PPM1L: variants seen among roughly 807,000 people sequenced by gnomAD.
PPM1L encodes the protein protein phosphatase, Mg2+/Mn2+ dependent 1L.
Under a neutral mutation model 31.4 loss-of-function variants are expected in PPM1L, and 13 were observed. The ratio of observed to expected loss-of-function variants is 0.41; its 90% CI spans 0.27 to 0.66. The LOEUF is 0.66. Ranked by LOEUF, PPM1L falls within the 30% of genes least tolerant of loss-of-function variation. PPM1L has a pLI of 0.29. For missense variants in PPM1L, 326 were observed against 453.7 expected (o/e 0.72, Z 2.56); for synonymous variants, 184 against 175.4 (o/e 1.05, Z -0.39).
At chr3:160,840,230 G>A (rs545837106) in intron 1 of PPM1L, among the ~76,000 whole-genome samples, 1 of 152,222 alleles carries the variant, frequency 6.6e-6, no homozygotes, top group Admixed American at 6.5e-5. Context: ...GCAGCCTTAA[G>A]AATACAATGA....
chr3:160,970,879 C>T (rs1159681645), intron 2 of PPM1L, among the ~76,000 whole-genome samples: 1 of 148,474 alleles, frequency 6.7e-6, no homozygotes, highest in South Asian at 2.1e-4. Flanking sequence ...AGGCTCCGCC[C>T]CCTGGGGTTC....
In PPM1L at chr3:160,854,322, G is replaced by A. The variant is rs141466785; in HGVS notation, c.399+97615G>A. ...CTGTCCTTAGACTCTTAGCTGGGTG[G>A]TGTTTTCCTAGTCCTTGTGTAAAAG... On this transcript the variant is annotated intron_variant, in intron 1 of 3. Coordinates refer to ENST00000498165, the MANE Select transcript of PPM1L (RefSeq NM_139245.4). Among the ~76,000 whole-genome samples, 3 of 152,266 alleles carry A rather than the reference G, an allele frequency of 2.0e-5. No individual in the cohort carries two copies. The East Asian group carries it at 5.8e-4, about 29-fold the overall frequency.
At chr3:160,830,819 C>A (rs957377146) in intron 1 of PPM1L, among the ~76,000 whole-genome samples, 1 of 152,174 alleles carries the variant, frequency 6.6e-6, no homozygotes, top group African/African-American at 2.4e-5. Context: ...TCATATGCTA[C>A]TTATTCATAC....
At chr3:160,934,408 C>G (rs1576723971) in intron 1 of PPM1L, among the ~76,000 whole-genome samples, 2 of 152,078 alleles carry the variant, frequency 1.3e-5, no homozygotes, top group African/African-American at 4.8e-5. Flanking sequence ...TTTTTCTCTT[C>G]CCTTCTTTCC....
intron 2 of PPM1L, among the ~76,000 whole-genome samples, chr3:160,970,765 G>A (rs1456647261): frequency 7.1e-6 from 1 of 140,622 alleles, no homozygotes; most frequent in East Asian, 2.0e-4. Context: ...GCCTAACCAA[G>A]CTGATTTTAA....
intron 1 of PPM1L, among the ~76,000 whole-genome samples, chr3:160,783,137 G>A (rs997175782): frequency 2.0e-5 from 3 of 152,116 alleles, no homozygotes; most frequent in African/African-American, 4.8e-5. Flanking sequence ...CCTTTAGAGC[G>A]GCTTTTATAG....
At chr3:160,816,227 G>GTA (rs1712989874) in intron 1 of PPM1L, among the ~76,000 whole-genome samples, 1 of 151,638 alleles carries the variant, frequency 6.6e-6, no homozygotes, top group African/African-American at 2.4e-5. Context: ...TTGTGTCTAT[G>GTA]TGTGTGTACA....
rs542288354 is a variant in PPM1L, at chr3:160,814,594, T to C, written c.399+57887T>C. Among the ~76,000 whole-genome samples the C allele has an allele frequency of 3.3e-4, 41 of 123,542 alleles. 1 individual carries two copies. The highest frequency in any genetic ancestry group is 1.2e-3 in the East Asian group (6 of 4,938). The allele number at this position is 123,542 out of a possible 152,430, so 81.0% of individuals were successfully genotyped here. A position where few individuals can be genotyped will look rare whatever the true frequency, so the allele number is the denominator to read the frequency against. ...ATGTGTATATATATACACACACATATGTATGTATGTGTATATATATACACA... is the reference window on the plus strand; with the variant it reads ...ATGTGTATATATATACACACACATACGTATGTATGTGTATATATATACACA... On this transcript the variant is annotated intron_variant, in intron 1 of 3. Transcript: ENST00000498165.
At chr3:160,922,128 G>A (rs1576715808) in intron 1 of PPM1L, among the ~76,000 whole-genome samples, 1 of 152,074 alleles carries the variant, frequency 6.6e-6, no homozygotes, top group African/African-American at 2.4e-5. Context: ...GGCTAACACG[G>A]TGAAACCCCA....
chr3:160,945,871 A>T (rs1044359740), intron 1 of PPM1L, among the ~76,000 whole-genome samples: 1 of 151,992 alleles, frequency 6.6e-6, no homozygotes, highest in Non-Finnish European at 1.5e-5. Context: ...TTTCCTTATG[A>T]TTTTCTTAAT....
chr3:160,803,973 A>G (rs1712517593), intron 1 of PPM1L, among the ~76,000 whole-genome samples: 2 of 152,216 alleles, frequency 1.3e-5, no homozygotes, highest in Non-Finnish European at 2.9e-5. Flanking sequence ...GATGGAGTAC[A>G]GTGGCGCAAT....
chr3:160,797,769 C>CT (rs1274413454), intron 1 of PPM1L, among the ~76,000 whole-genome samples: 1 of 152,198 alleles, frequency 6.6e-6, no homozygotes, highest in Non-Finnish European at 1.5e-5. Flanking sequence ...GAGCAAGGCC[C>CT]TAACTCTCTT....
chr3:160,914,404 A>G (rs1003091907), intron 1 of PPM1L, among the ~76,000 whole-genome samples: 1 of 150,856 alleles, frequency 6.6e-6, no homozygotes, highest in Non-Finnish European at 1.5e-5. Context: ...TCCTCATTTA[A>G]CATTAGGTAT....
At chr3:160,806,739 C>A (rs1712609898) in intron 1 of PPM1L, among the ~76,000 whole-genome samples, 2 of 149,174 alleles carry the variant, frequency 1.3e-5, no homozygotes, top group Admixed American at 6.7e-5. Context: ...ACCTCTTGGT[C>A]TCTGAAAAAG....
At chr3:160,793,459 G>C (rs1177699335) in intron 1 of PPM1L, among the ~76,000 whole-genome samples, 1 of 152,024 alleles carries the variant, frequency 6.6e-6, no homozygotes, top group African/African-American at 2.4e-5. Flanking sequence ...TATGATCTGT[G>C]GCATGTGAGA....
intron 2 of PPM1L, among the ~76,000 whole-genome samples, chr3:161,019,653 T>C (rs1042542130): frequency 2.0e-5 from 3 of 152,192 alleles, no homozygotes; most frequent in African/African-American, 7.2e-5. Context: ...GAACAAACTT[T>C]CAAATAAATA....
rs1463441881 is a variant in PPM1L at position 161,075,805 on chromosome 3, C to T, written c.*6648C>T. The T allele has an allele frequency of 6.6e-6, 1 of 152,190 alleles. No individual in the cohort carries two copies. Among genetic ancestry groups the T allele is most frequent in the African/African-American group, 2.4e-5 (1 of 41,440 alleles). 9.4% of individuals were successfully genotyped at this position (152,190 alleles called of 1,614,324 possible). On this transcript the variant is annotated 3_prime_UTR_variant, in exon 4 of 4. Transcript: ENST00000498165. Reference sequence around the variant, plus strand: ...ATTGAAGTGAGAAAATGAACATTCTCAGTTATTTGCGAAGTTAGTAAAATT... The same window carrying T: ...ATTGAAGTGAGAAAATGAACATTCTTAGTTATTTGCGAAGTTAGTAAAATT...
intron 2 of PPM1L, among the ~76,000 whole-genome samples, chr3:161,040,992 A>G (rs934654949): frequency 6.6e-6 from 1 of 152,196 alleles, no homozygotes; most frequent in African/African-American, 2.4e-5. Flanking sequence ...GGCCTTTCCA[A>G]TCCTAAAGAG....
intron 1 of PPM1L, among the ~76,000 whole-genome samples, chr3:160,799,696 T>C (rs1179479116): frequency 6.6e-6 from 1 of 152,218 alleles, no homozygotes; most frequent in Non-Finnish European, 1.5e-5. Context: ...TCATTTTGCC[T>C]GGAACATGTT....
Sources: allele counts gnomAD v4.1 joint callset (sites outside exome capture counted in the v4.1 genomes callset), GRCh38; gene constraint gnomAD v4.1.1; transcripts MANE v1.5; gene names NCBI Gene and HGNC (gene_info 2026-07-23, HGNC 2026-07-21).